CTNNA3: variants seen among roughly 807,000 people sequenced by gnomAD.
CTNNA3 encodes the protein catenin alpha 3.
CTNNA3 carries 76 observed loss-of-function variants against 95.7 expected under a neutral mutation model. The observed-to-expected ratio is 0.79, with a 90% CI of 0.66 to 0.96. CTNNA3 has a LOEUF of 0.96. Among genes scored for constraint, CTNNA3 ranks in the 40% least tolerant of loss-of-function variants. The probability of loss-of-function intolerance (pLI) is 0.00; values close to 1 mark genes in which losing one functional copy is unlikely to be tolerated. For missense variants in CTNNA3, 1,191 were observed against 1,089.8 expected (o/e 1.09, Z -1.31); for synonymous variants, 431 against 374.4 (o/e 1.15, Z -1.74).
At chr10:67,581,826 G>A (rs1457083343) in intron 3 of CTNNA3, among the ~76,000 whole-genome samples, 1 of 152,160 alleles carries the variant, frequency 6.6e-6, no homozygotes, top group Non-Finnish European at 1.5e-5. Context: ...ATTTCTTTGA[G>A]ATTTTCTAGT....
rs117884367 is a variant in CTNNA3, at chr10:67,462,242, A to T, written c.579+59600T>A. ...GGTTGCTATTTCCAGCACTGAACTC[A>T]TTGACAGATGCCTTCTCTGACTCCT... On this transcript the variant is annotated intron_variant, in intron 5 of 17. Transcript: ENST00000433211. 8.9e-3 allele frequency among the ~76,000 whole-genome samples: 1,349 copies of T among 152,238 alleles called. 9 individuals carry two copies. The highest frequency in any genetic ancestry group is 0.013 in the Non-Finnish European group (881 of 68,002).
At chr10:66,299,320 T>A (rs905266789) in intron 12 of CTNNA3, among the ~76,000 whole-genome samples, 6 of 152,226 alleles carry the variant, frequency 3.9e-5, no homozygotes, top group South Asian at 2.1e-4. Flanking sequence ...TCTCAGATTT[T>A]CTGAGTTCAC....
chr10:67,157,228 A>G lies in CTNNA3; in HGVS notation c.1047+23089T>C, dbSNP rs537734395. Reference sequence around the variant, plus strand: ...ACTACACACATGCAAACACACACACACACAAATACACCAATGTTAGAACCA... The same window carrying G: ...ACTACACACATGCAAACACACACACGCACAAATACACCAATGTTAGAACCA... On this transcript the variant is annotated intron_variant, in intron 7 of 17. Coordinates refer to ENST00000433211, the MANE Select transcript of CTNNA3 (RefSeq NM_013266.4). Among the ~76,000 whole-genome samples the G allele has an allele frequency of 9.8e-5, 15 of 152,338 alleles. No individual in the cohort carries two copies. In the South Asian group the frequency reaches 3.1e-3, roughly 32 times the overall value.
chr10:66,633,767 T>C (rs1352447107), intron 9 of CTNNA3, among the ~76,000 whole-genome samples: 1 of 152,142 alleles, frequency 6.6e-6, no homozygotes, highest in Non-Finnish European at 1.5e-5. Flanking sequence ...TTGAGTTATA[T>C]ATGGGAGAGA....
rs10997451 is a variant in CTNNA3, at chr10:66,952,681, A to C, written c.1048-177157T>G. ...GTCAGGTAAATTGAGGATCTCTCTG[A>C]AAATCCATTTTCCTTTATAATCTGA... On this transcript the variant is annotated intron_variant, in intron 7 of 17. Transcript: ENST00000433211. 0.021 allele frequency among the ~76,000 whole-genome samples: 3,173 copies of C among 152,122 alleles called. 220 individuals carry two copies. The East Asian group carries it at 0.25, about 12-fold the overall frequency.
chr10:66,767,119 A>T (rs1839890825), intron 8 of CTNNA3, among the ~76,000 whole-genome samples: 1 of 152,160 alleles, frequency 6.6e-6, no homozygotes, highest in Admixed American at 6.6e-5. Context: ...TGAAAAATTA[A>T]TTCATTGTGT....
At chr10:66,593,422 G>C (rs796589545) in intron 10 of CTNNA3, among the ~76,000 whole-genome samples, 6 of 152,278 alleles carry the variant, frequency 3.9e-5, no homozygotes, top group African/African-American at 1.4e-4. Flanking sequence ...GTTTGCATCA[G>C]AATCAGCTGG....
At chr10:66,405,675 A>G (rs1278461976) in intron 11 of CTNNA3, among the ~76,000 whole-genome samples, 1 of 152,104 alleles carries the variant, frequency 6.6e-6, no homozygotes, top group African/African-American at 2.4e-5. Flanking sequence ...TCAATTTCCT[A>G]TTCTTTTGCT....
At chr10:66,925,970 A>G (rs1170831385) in intron 7 of CTNNA3, 2 of 456,254 alleles carry the variant, frequency 4.4e-6, no homozygotes, top group Admixed American at 2.4e-5. Flanking sequence ...ATTTCTGCAC[A>G]TGCCCATAAT....
intron 7 of CTNNA3, among the ~76,000 whole-genome samples, chr10:66,991,205 G>A (rs772709794): frequency 2.0e-5 from 3 of 152,072 alleles, no homozygotes; most frequent in Non-Finnish European, 4.4e-5. Flanking sequence ...ATGTCACTAT[G>A]CCAGGTTTTC....
intron 5 of CTNNA3, among the ~76,000 whole-genome samples, chr10:67,465,364 C>T (rs1044727827): frequency 1.9e-4 from 29 of 152,044 alleles, no homozygotes; most frequent in African/African-American, 6.3e-4. Flanking sequence ...AAGCTGCCCT[C>T]CCCAAGTATT....
chr10:66,578,115 G>T (rs968356941), intron 10 of CTNNA3, among the ~76,000 whole-genome samples: 1 of 151,690 alleles, frequency 6.6e-6, no homozygotes, highest in African/African-American at 2.4e-5. Flanking sequence ...TCATAATTTC[G>T]TTCTGAGCTT....
chr10:67,516,076 C>T (rs1366058859), intron 5 of CTNNA3, among the ~76,000 whole-genome samples: 1 of 152,164 alleles, frequency 6.6e-6, no homozygotes, highest in East Asian at 1.9e-4. Flanking sequence ...GATTCTCCTG[C>T]CTCAGCCTCC....
intron 7 of CTNNA3, among the ~76,000 whole-genome samples, chr10:67,024,138 A>G (rs897309486): frequency 6.6e-6 from 1 of 152,150 alleles, no homozygotes; most frequent in Non-Finnish European, 1.5e-5. Flanking sequence ...TCTAGGGGAA[A>G]ATATGTTTCC....
At chr10:66,223,988 G>C (rs553478101) in intron 13 of CTNNA3, among the ~76,000 whole-genome samples, 1 of 152,144 alleles carries the variant, frequency 6.6e-6, no homozygotes, top group Admixed American at 6.5e-5. Flanking sequence ...CTTGAGCCCA[G>C]GAGTTCAGGA....
intron 2 of CTNNA3, among the ~76,000 whole-genome samples, chr10:67,640,884 C>T (rs1446840733): frequency 6.6e-6 from 1 of 152,124 alleles, no homozygotes; most frequent in Admixed American, 6.5e-5. Context: ...AAATGTTAGA[C>T]CCAAAACCAT....
At chr10:66,993,915 T>C (rs972141906) in intron 7 of CTNNA3, among the ~76,000 whole-genome samples, 1 of 152,232 alleles carries the variant, frequency 6.6e-6, no homozygotes, top group East Asian at 1.9e-4. Context: ...TCCCAACATT[T>C]AGACTAAGCT....
intron 15 of CTNNA3, among the ~76,000 whole-genome samples, chr10:66,005,250 G>A: frequency 6.6e-6 from 1 of 152,128 alleles, no homozygotes; most frequent in East Asian, 1.9e-4. Flanking sequence ...GGAATTTGAA[G>A]GTGGACATCG....
chr10:66,978,552 A>AAT (rs1554890349), intron 7 of CTNNA3, among the ~76,000 whole-genome samples: 7,902 of 37,834 alleles, frequency 0.21, 943 homozygotes, highest in East Asian at 0.52. Context: ...AAAAAAAAAA[A>AAT]ATATATATAT....
Sources: gnomAD v4.1 joint callset for allele counts (sites outside exome capture counted in the v4.1 genomes callset) on GRCh38, gnomAD v4.1.1 for gene constraint, MANE v1.5 for transcripts, NCBI Gene and HGNC (gene_info 2026-07-23, HGNC 2026-07-21) for gene names.